The following NTN1 variants were observed in gnomAD, a reference collection of about 807,000 sequenced individuals.
NTN1 encodes the protein netrin 1.
Under a neutral mutation model 54.2 loss-of-function variants are expected in NTN1, and 11 were observed. That is an observed-to-expected ratio of 0.20 (90% CI 0.13 to 0.34). The LOEUF (loss-of-function observed/expected upper bound fraction) is 0.34. NTN1 is among the 10% of genes least tolerant of loss of function. The pLI, the probability that NTN1 is intolerant of heterozygous loss-of-function variation, is 1.00. For synonymous variants in NTN1, 371 were observed against 382.0 expected (o/e 0.97, Z 0.33); for missense variants, 740 against 893.1 (o/e 0.83, Z 2.18).
At chr17:9,215,987 G>T (rs1262327478) in intron 5 of NTN1, among the ~76,000 whole-genome samples, 2 of 152,134 alleles carry the variant, frequency 1.3e-5, no homozygotes, top group Non-Finnish European at 2.9e-5. Flanking sequence ...TAGAGACAGG[G>T]TTTTACTCTG....
chr17:9,200,109 CCTT>C (rs1358219944), intron 5 of NTN1, among the ~76,000 whole-genome samples: 1 of 152,250 alleles, frequency 6.6e-6, no homozygotes. Flanking sequence ...CTACAAGCAT[CCTT>C]CTTTCATGAC....
intron 2 of NTN1, among the ~76,000 whole-genome samples, chr17:9,124,031 T>C (rs1219374030): frequency 6.6e-6 from 1 of 152,094 alleles, no homozygotes; most frequent in Non-Finnish European, 1.5e-5. Context: ...AATGCTCAGG[T>C]CTTCTTAGCA....
At chr17:9,075,699 C>G (rs1388996971) in intron 2 of NTN1, among the ~76,000 whole-genome samples, 1 of 152,158 alleles carries the variant, frequency 6.6e-6, no homozygotes, top group Non-Finnish European at 1.5e-5. Context: ...TCAGGGACTT[C>G]AGTCCTATGG....
In NTN1 at chr17:9,190,913, G is replaced by A. The variant is rs188412630; in HGVS notation, c.1411+7944G>A. On this transcript the variant is annotated intron_variant, in intron 5 of 6. Coordinates refer to ENST00000173229, the MANE Select transcript of NTN1 (RefSeq NM_004822.3). Reference sequence around the variant, plus strand: ...ACATAAGAACTTAGCATATGGTAAAGTTGTGACTGTGAGTCAGTGCAGAAA... The same window carrying A: ...ACATAAGAACTTAGCATATGGTAAAATTGTGACTGTGAGTCAGTGCAGAAA... 2.4e-3 allele frequency among the ~76,000 whole-genome samples: 370 copies of A among 152,182 alleles called. 2 individuals are homozygous for A. The highest frequency in any genetic ancestry group is 8.5e-3 in the African/African-American group (352 of 41,522).
At chr17:9,209,377 C>T (rs1905043129) in intron 5 of NTN1, among the ~76,000 whole-genome samples, 1 of 152,222 alleles carries the variant, frequency 6.6e-6, no homozygotes, top group South Asian at 2.1e-4. Context: ...TTAGGGTTTG[C>T]TCTTGAGGAA....
chr17:9,026,875 C>A (rs1481039159), intron 2 of NTN1, among the ~76,000 whole-genome samples: 5 of 152,154 alleles, frequency 3.3e-5, no homozygotes, highest in African/African-American at 1.2e-4. Flanking sequence ...TTGCGACTCA[C>A]TCTATGGCTT....
intron 2 of NTN1, among the ~76,000 whole-genome samples, chr17:9,060,476 T>C (rs146528823): frequency 6.0e-4 from 91 of 152,320 alleles, no homozygotes; most frequent in African/African-American, 1.9e-3. Context: ...GGTTTTTTAC[T>C]GTGTGGGGCA....
intron 2 of NTN1, among the ~76,000 whole-genome samples, chr17:9,071,430 A>G (rs573666451): frequency 6.6e-6 from 1 of 152,184 alleles, no homozygotes; most frequent in East Asian, 1.9e-4. Context: ...TAATCCCTCC[A>G]TTCTACTCTG....
At chr17:9,046,712 A>T (rs1400691722) in intron 2 of NTN1, among the ~76,000 whole-genome samples, 1 of 152,202 alleles carries the variant, frequency 6.6e-6, no homozygotes, top group African/African-American at 2.4e-5. Flanking sequence ...GCTTGAGCCC[A>T]GGAGGTCGAG....
intron 2 of NTN1, among the ~76,000 whole-genome samples, chr17:9,052,255 G>A (rs1395888249): frequency 1.3e-5 from 2 of 152,208 alleles, no homozygotes; most frequent in African/African-American, 4.8e-5. Context: ...ACAGGCATGA[G>A]CCACCACTCC....
Position 9,022,820 on chromosome 17 carries a change from G to A in NTN1, c.447G>A (p.Leu149=). The change falls in exon 2 of 7, where the codon CTG becomes CTA. Residue 149 remains leucine, a synonymous_variant. Coordinates refer to ENST00000173229, the MANE Select transcript of NTN1 (RefSeq NM_004822.3). ...AGTTCGAAGTGACCTACGTGAGCCT[G>A]CAGTTCTGCTCGCCGCGGCCCGAGT... The part of the protein sequence containing the change: ...GKKFEVTYVS[L]QFCSPRPESM... 1 of 1,611,606 alleles carries A rather than the reference G, an allele frequency of 6.2e-7. No homozygotes were observed. Among genetic ancestry groups the A allele is most frequent in the East Asian group, 2.2e-5 (1 of 44,752 alleles).
At chr17:9,097,448 C>T (rs2092135558) in intron 2 of NTN1, among the ~76,000 whole-genome samples, 1 of 152,142 alleles carries the variant, frequency 6.6e-6, no homozygotes, top group Admixed American at 6.5e-5. Context: ...CATGGTGAAA[C>T]CTCATCTCTA....
At position 9,239,863 on chromosome 17, in the gene NTN1, C is replaced by G; in HGVS notation, c.1710C>G (p.Ile570Met). The G allele has an allele frequency of 6.2e-7, 1 of 1,612,310 alleles. No individual in the cohort carries two copies. The highest frequency in any genetic ancestry group is 8.5e-7 in the Non-Finnish European group (1 of 1,179,680). ...NAEDSPDQSG[I>M]VADKSSLVIQ... ...AGGACTCTCCGGACCAGAGCGGCAT[C>G]GTGGCCGATAAAAGCAGCCTGGTGA... The change falls in exon 7 of 7, where the codon ATC (isoleucine) becomes ATG (methionine). Residue 570 changes from isoleucine (I) to methionine (M), a missense_variant. Physicochemically the swap from Ile to Met is conservative, Grantham distance 10 (BLOSUM62 1). Transcript: ENST00000173229. This position sits in a 1 kb window ranked among gnomAD's most constrained non-coding sequence, Gnocchi z 5.2.
chr17:9,046,995 T>C (rs1440130556), intron 2 of NTN1, among the ~76,000 whole-genome samples: 1 of 152,246 alleles, frequency 6.6e-6, no homozygotes, highest in East Asian at 1.9e-4. Flanking sequence ...ATAAAAGTTA[T>C]GTTTACGCTA....
the NTN1 span, among the ~76,000 whole-genome samples, chr17:9,008,746 G>A: frequency 1.3e-5 from 2 of 152,212 alleles, no homozygotes; most frequent in Admixed American, 6.5e-5. Context: ...AACAAGGAAG[G>A]AAGATTACTA....
intron 3 of NTN1, 112 bp downstream of exon 3, chr17:9,163,113 G>T: frequency 9.9e-7 from 1 of 1,010,148 alleles, no homozygotes; most frequent in Non-Finnish European, 1.4e-6. Flanking sequence ...AATTGGCGTT[G>T]TCTGAGGTCA....
At chr17:9,232,324 G>A (rs1025316493) in intron 6 of NTN1, among the ~76,000 whole-genome samples, 2 of 152,218 alleles carry the variant, frequency 1.3e-5, no homozygotes, top group African/African-American at 4.8e-5. Context: ...CTCTTGCTAA[G>A]AAGGGTGCCA....
intron 2 of NTN1, among the ~76,000 whole-genome samples, chr17:9,089,380 AC>A (rs1315924899): frequency 2.7e-5 from 4 of 150,784 alleles, no homozygotes; most frequent in African/African-American, 9.8e-5. Context: ...GTGCCACTGT[AC>A]TCTAGCCTGG....
chr17:9,105,854 T>G (rs1597489331), intron 2 of NTN1, among the ~76,000 whole-genome samples: 2 of 142,844 alleles, frequency 1.4e-5, no homozygotes, highest in African/African-American at 2.6e-5. Flanking sequence ...CAGAGGGAGG[T>G]GGGTTGAAGG....
Sources: allele counts gnomAD v4.1 joint callset (sites outside exome capture counted in the v4.1 genomes callset), GRCh38; gene constraint gnomAD v4.1.1; non-coding constraint Gnocchi (gnomAD v3.1); transcripts MANE v1.5; gene names NCBI Gene and HGNC (gene_info 2026-07-23, HGNC 2026-07-21).